The following HIRA variants were observed in gnomAD, a reference collection of about 807,000 sequenced individuals.
The protein encoded by HIRA is histone cell cycle regulator, also known as protein HIRA.
A neutral mutation model predicts 126.6 loss-of-function variants in HIRA; 13 were observed. The ratio of observed to expected loss-of-function variants is 0.10; its 90% CI spans 0.07 to 0.16. HIRA has a LOEUF of 0.16. Ranked by LOEUF, HIRA falls within the 10% of genes least tolerant of loss-of-function variation. HIRA has a pLI of 1.00. For synonymous variants in HIRA, 511 were observed against 520.0 expected (o/e 0.98, Z 0.24); for missense variants, 834 against 1,314.4 (o/e 0.63, Z 5.65).
chr22:19,359,647 G>A (rs1601816339), intron 17 of HIRA, among the ~76,000 whole-genome samples, 163 bp from the exon 18 acceptor site: 2 of 152,292 alleles, frequency 1.3e-5, no homozygotes, highest in South Asian at 2.1e-4. Context: ...GGGGCTGAGC[G>A]GGAGGCCCAG....
chr22:19,406,937 A>G (rs1050071669), intron 4 of HIRA, among the ~76,000 whole-genome samples: 1 of 152,200 alleles, frequency 6.6e-6, no homozygotes, highest in African/African-American at 2.4e-5. Flanking sequence ...CCCCACCCAC[A>G]TCGGCACTAG....
At chr22:19,407,101 C>T (rs1227063055) in intron 4 of HIRA, 83 bp downstream of exon 4, 1 of 1,114,948 alleles carries the variant, frequency 9.0e-7, no homozygotes, top group Non-Finnish European at 1.4e-6. Context: ...ACTTCAGTGA[C>T]AGGGTAGGGA....
At chr22:19,359,866 TA>T (rs1300467282) in intron 17 of HIRA, among the ~76,000 whole-genome samples, 1 of 152,246 alleles carries the variant, frequency 6.6e-6, no homozygotes, top group Non-Finnish European at 1.5e-5. Context: ...CTTGGGTTTC[TA>T]GCCTCCTACT....
At chr22:19,340,322 C>G (rs1180180394) in intron 24 of HIRA, among the ~76,000 whole-genome samples, 1 of 151,882 alleles carries the variant, frequency 6.6e-6, no homozygotes, top group African/African-American at 2.4e-5. Context: ...ATCTAGCATG[C>G]CTTCGATTAA....
intron 24 of HIRA, among the ~76,000 whole-genome samples, chr22:19,350,376 C>G (rs189481877): frequency 3.3e-5 from 5 of 152,186 alleles, no homozygotes; most frequent in Non-Finnish European, 7.3e-5. Flanking sequence ...TGTGAGCTAA[C>G]TCTTAGATCC....
At chr22:19,367,265 A>G (rs1157090400) in intron 15 of HIRA, among the ~76,000 whole-genome samples, 2 of 152,116 alleles carry the variant, frequency 1.3e-5, no homozygotes, top group Non-Finnish European at 2.9e-5. Context: ...ATGGGGATTG[A>G]TTCCAGGACC....
intron 11 of HIRA, among the ~76,000 whole-genome samples, chr22:19,386,093 A>T (rs2089124692): frequency 6.6e-6 from 1 of 151,954 alleles, no homozygotes; most frequent in Non-Finnish European, 1.5e-5. Context: ...CTCTTAAATC[A>T]CTCCTAGGAC....
chr22:19,418,579 C>G (rs1420670739), intron 1 of HIRA, among the ~76,000 whole-genome samples: 1 of 91,474 alleles, frequency 1.1e-5, no homozygotes, highest in Non-Finnish European at 2.2e-5. Context: ...TTGCAGTGAG[C>G]CGAGATCGCG....
chr22:19,402,394 G>A (rs1047073120), intron 5 of HIRA, among the ~76,000 whole-genome samples: 2 of 152,096 alleles, frequency 1.3e-5, no homozygotes, highest in Non-Finnish European at 1.5e-5. Flanking sequence ...TCATTTCTTG[G>A]TAAGATTACT....
At position 19,332,829 on chromosome 22, in the gene HIRA, T is replaced by A. The variant is rs550627120; in HGVS notation, c.2938-1273A>T. Among the ~76,000 whole-genome samples the A allele has an allele frequency of 1.5e-3, 227 of 151,436 alleles. 2 individuals are homozygous for A. The highest frequency in any genetic ancestry group is 4.5e-3 in the African/African-American group (186 of 41,358). ...GGACATGAGAAAAAAACATTTTTTT[T>A]AAAAAAAGGAGATAATAAAAATTGA... On this transcript the variant is annotated intron_variant, in intron 24 of 24. Transcript: ENST00000263208.
intron 24 of HIRA, among the ~76,000 whole-genome samples, chr22:19,332,929 G>A (rs2088509438): frequency 6.6e-6 from 1 of 152,022 alleles, no homozygotes; most frequent in Admixed American, 6.6e-5. Flanking sequence ...ATTTTTTTGA[G>A]ACAGGGTCTA....
At chr22:19,387,868 A>C in intron 10 of HIRA, 52 bp from the exon 11 acceptor site, 2 of 1,264,832 alleles carry the variant, frequency 1.6e-6, no homozygotes, top group Non-Finnish European at 2.2e-6. Flanking sequence ...AGGCAGACAC[A>C]TGTGCCGCAG....
rs111448260 is a variant in HIRA at position 19,375,554 on chromosome 22, T to C, written c.1775+77A>G. ...CCCAACAGGAAGGCAGGTTGCTTGG[T>C]GGGAACACTGCCACTGTGCTGTTGA... On this transcript the variant is annotated intron_variant, in intron 15 of 24. Coordinates refer to ENST00000263208, the MANE Select transcript of HIRA (RefSeq NM_003325.4). The C allele has an allele frequency of 4.3e-5, 64 of 1,497,892 alleles. No individual in the cohort carries two copies. The African/African-American group carries it at 5.9e-4, about 14-fold the overall frequency. The allele number at this position is 1,497,892 out of a possible 1,614,324, so 92.8% of individuals were successfully genotyped here.
At chr22:19,380,744 G>T (rs1252449436) in intron 13 of HIRA, among the ~76,000 whole-genome samples, 2 of 152,098 alleles carry the variant, frequency 1.3e-5, no homozygotes, top group Non-Finnish European at 2.9e-5. Context: ...CTGGGATACA[G>T]GTAGTAGCTA....
At chr22:19,398,592 G>A (rs1199558628) in intron 5 of HIRA, among the ~76,000 whole-genome samples, 1 of 152,232 alleles carries the variant, frequency 6.6e-6, no homozygotes, top group Non-Finnish European at 1.5e-5. Flanking sequence ...ACCCTGACAG[G>A]AGTACCCCTT....
intron 13 of HIRA, among the ~76,000 whole-genome samples, 154 bp downstream of exon 13, chr22:19,383,466 A>C (rs1176678074): frequency 6.6e-6 from 1 of 152,108 alleles, no homozygotes; most frequent in Non-Finnish European, 1.5e-5. Flanking sequence ...GGGCTTTGAG[A>C]CTGCGGGAAG....
intron 15 of HIRA, among the ~76,000 whole-genome samples, chr22:19,369,597 C>T (rs572562509): frequency 6.6e-5 from 10 of 152,160 alleles, no homozygotes; most frequent in African/African-American, 1.9e-4. Flanking sequence ...TATTACTTTG[C>T]GCACCACCCC....
In HIRA at chr22:19,355,875, G is replaced by A. The variant is rs782575556; in HGVS notation, c.2456-10C>T. ...ACCGTCATATCACTTCCTGAGGACA[G>A]CATGGGAATGAGTTCTGGGTGTGCT... On this transcript the variant is annotated splice_polypyrimidine_tract_variant and intron_variant, in intron 20 of 24. Coordinates refer to ENST00000263208, the MANE Select transcript of HIRA (RefSeq NM_003325.4). The A allele has an allele frequency of 7.6e-6, 12 of 1,580,298 alleles. No individual in the cohort carries two copies. The South Asian group carries it at 1.2e-4, about 16-fold the overall frequency.
intron 1 of HIRA, among the ~76,000 whole-genome samples, chr22:19,428,978 G>A (rs1182521384): frequency 2.0e-5 from 3 of 151,990 alleles, no homozygotes; most frequent in African/African-American, 4.8e-5. Flanking sequence ...AGGCCTGCTC[G>A]GTAGTGATTC....
Sources: allele counts gnomAD v4.1 joint callset (sites outside exome capture counted in the v4.1 genomes callset), GRCh38; gene constraint gnomAD v4.1.1; transcripts MANE v1.5; gene names NCBI Gene and HGNC (gene_info 2026-07-23, HGNC 2026-07-21).